The following DCAF6 variants were observed in gnomAD, a reference collection of about 807,000 sequenced individuals.
DCAF6 encodes DDB1- and CUL4-associated factor 6.
In DCAF6, 54 loss-of-function variants were observed where a neutral mutation model predicts 125.1. That is an observed-to-expected ratio of 0.43 (90% confidence interval 0.35 to 0.54). The LOEUF is 0.54. Ranked by LOEUF, DCAF6 falls within the 20% of genes least tolerant of loss-of-function variation. DCAF6 has a pLI of 0.01. For synonymous variants in DCAF6, 371 were observed against 390.4 expected (o/e 0.95, Z 0.58); for missense variants, 934 against 1,161.7 (o/e 0.80, Z 2.85).
At chr1:167,937,655 A>G (rs1292253577) in intron 1 of DCAF6, among the ~76,000 whole-genome samples, 1 of 152,136 alleles carries the variant, frequency 6.6e-6, no homozygotes, top group Non-Finnish European at 1.5e-5. Flanking sequence ...TGGAAAACAC[A>G]CTTGGCATTT....
chr1:167,991,572 A>G (rs1370835919), intron 6 of DCAF6, among the ~76,000 whole-genome samples: 2 of 152,238 alleles, frequency 1.3e-5, no homozygotes, highest in East Asian at 1.9e-4. Context: ...CAGGACTGCC[A>G]TAACAAATGA....
At chr1:167,965,868 C>T (rs1401018520) in intron 2 of DCAF6, among the ~76,000 whole-genome samples, 1 of 152,148 alleles carries the variant, frequency 6.6e-6, no homozygotes, top group Non-Finnish European at 1.5e-5. Context: ...CCTCTGACAT[C>T]AGGTGATCCA....
At chr1:167,943,884 G>T (rs1429123766) in intron 1 of DCAF6, among the ~76,000 whole-genome samples, 1 of 152,090 alleles carries the variant, frequency 6.6e-6, no homozygotes, top group Non-Finnish European at 1.5e-5. Flanking sequence ...TGTCGCCCAG[G>T]CTGTAGTGCA....
At chr1:167,905,204 A>C in the DCAF6 span, 91 of 1,556,404 alleles carry the variant, frequency 5.8e-5, no homozygotes, top group Admixed American at 2.2e-4. Flanking sequence ...GTCTTCTAAA[A>C]AGAAAATTGA....
intron 2 of DCAF6, among the ~76,000 whole-genome samples, chr1:167,956,141 TCTC>T (rs765866923): frequency 6.6e-6 from 1 of 152,280 alleles, no homozygotes; most frequent in Non-Finnish European, 1.5e-5. Context: ...TTGAGGATGT[TCTC>T]CTCTATTACT....
chr1:167,916,328 TCTGGAGTAG>T, the DCAF6 span, among the ~76,000 whole-genome samples: 2 of 152,204 alleles, frequency 1.3e-5, no homozygotes, highest in African/African-American at 4.8e-5. Context: ...TGCCTCAGCC[TCTGGAGTAG>T]CTGGGATTAC....
Position 168,015,910 on chromosome 1 carries a change from A to G in DCAF6, c.1508A>G (p.Gln503Arg). ...HTQQQPSTSDQSSHEGSSQDP... is the reference protein window; with the variant it reads ...HTQQQPSTSDRSSHEGSSQDP... ...CAGCAACAGCCTTCCACTTCTGATC[A>G]GTCTTCTCATGAGGGCTCTTCACAG... The change falls in exon 11 of 22, where the codon CAG becomes CGG. Residue 503 changes from glutamine to arginine, a missense_variant. Physicochemically the swap from Gln to Arg is conservative, Grantham distance 43. Coordinates refer to ENST00000367840, the MANE Select transcript of DCAF6 (RefSeq NM_001198956.2). 1.3e-6 allele frequency: 2 copies of G among 1,538,940 alleles called. No homozygotes were observed. The highest frequency in any genetic ancestry group is 1.8e-6 in the Non-Finnish European group (2 of 1,141,054).
intron 16 of DCAF6, among the ~76,000 whole-genome samples, chr1:168,049,431 G>GTTTTTTT (rs11369573): frequency 5.5e-4 from 56 of 101,058 alleles, no homozygotes; most frequent in Non-Finnish European, 6.2e-4. Flanking sequence ...TGTTGTTGTT[G>GTTTTTTT]TTTTTTTTTT....
chr1:168,003,816 A>G (rs1199646106), intron 8 of DCAF6, 54 bp from the exon 9 acceptor site: 3 of 1,492,014 alleles, frequency 2.0e-6, no homozygotes, highest in South Asian at 1.4e-5. Context: ...TTTTGTATTA[A>G]TGAAAGATTC....
At chr1:167,926,550 G>A in the DCAF6 span, among the ~76,000 whole-genome samples, 11 of 152,344 alleles carry the variant, frequency 7.2e-5, no homozygotes, top group Admixed American at 3.3e-4. Flanking sequence ...CAAGTCAGCG[G>A]TTCTCAACCA....
chr1:167,873,730 G>GT, the DCAF6 span, among the ~76,000 whole-genome samples: 1 of 151,962 alleles, frequency 6.6e-6, no homozygotes, highest in East Asian at 1.9e-4. Flanking sequence ...AATATAAAAG[G>GT]TAAAAACAAA....
chr1:167,909,467 C>T, the DCAF6 span, among the ~76,000 whole-genome samples: 51 of 152,336 alleles, frequency 3.3e-4, no homozygotes, highest in Middle Eastern at 0.01. Context: ...AAGCTATGTC[C>T]TGTGGGCCAC....
At chr1:168,047,213 G>C (rs908381222) in intron 16 of DCAF6, among the ~76,000 whole-genome samples, 10 of 152,028 alleles carry the variant, frequency 6.6e-5, no homozygotes, top group African/African-American at 2.2e-4. Context: ...ATAATACTTA[G>C]ATGATTTATA....
chr1:168,049,431 G>GTTGTTGTTGT (rs749459860), intron 16 of DCAF6, among the ~76,000 whole-genome samples: 1 of 101,234 alleles, frequency 9.9e-6, no homozygotes, highest in African/African-American at 4.1e-5. Context: ...TGTTGTTGTT[G>GTTGTTGTTGT]TTTTTTTTTT....
At chr1:167,915,690 A>T in the DCAF6 span, among the ~76,000 whole-genome samples, 1 of 152,114 alleles carries the variant, frequency 6.6e-6, no homozygotes, top group Non-Finnish European at 1.5e-5. Context: ...ACCTCAGGTG[A>T]TCCACCTGCC....
intron 3 of DCAF6, among the ~76,000 whole-genome samples, chr1:167,973,987 G>A (rs1409858134): frequency 2.0e-5 from 3 of 152,080 alleles, no homozygotes; most frequent in Non-Finnish European, 4.4e-5. Flanking sequence ...TTACCGTTTA[G>A]CATTCCTACC....
the DCAF6 span, chr1:167,883,308 G>A: frequency 2.0e-6 from 2 of 1,009,598 alleles, no homozygotes; most frequent in African/African-American, 3.2e-5. Flanking sequence ...AAAGAGCTGG[G>A]ATTACAGGCG....
chr1:168,039,678 A>G (rs1688259170), intron 13 of DCAF6, among the ~76,000 whole-genome samples: 1 of 147,428 alleles, frequency 6.8e-6, no homozygotes, highest in Non-Finnish European at 1.5e-5. Flanking sequence ...ATATATTAAT[A>G]TATTAATATA....
At chr1:168,025,421 G>C (rs1223335832) in intron 12 of DCAF6, among the ~76,000 whole-genome samples, 1 of 152,148 alleles carries the variant, frequency 6.6e-6, no homozygotes, top group Non-Finnish European at 1.5e-5. Flanking sequence ...TGTAAGTAGA[G>C]TTGCTATGTA....
Sources: allele counts gnomAD v4.1 joint callset (sites outside exome capture counted in the v4.1 genomes callset), GRCh38; gene constraint gnomAD v4.1.1; transcripts MANE v1.5; gene names NCBI Gene and HGNC (gene_info 2026-07-23, HGNC 2026-07-21).